Variants in TP53BP1 observed in about 807,000 individuals in gnomAD.
The protein encoded by TP53BP1 is tumor protein p53 binding protein 1, also known as TP53-binding protein 1.
TP53BP1 carries 61 observed loss-of-function variants against 200.8 expected under a neutral mutation model. That is an observed-to-expected ratio of 0.30 (90% CI 0.25 to 0.38). The LOEUF (loss-of-function observed/expected upper bound fraction) is 0.38, where lower values mean the gene tolerates loss of function less well. Ranked by LOEUF, TP53BP1 falls within the 10% of genes least tolerant of loss-of-function variation. The pLI, the probability that TP53BP1 is intolerant of heterozygous loss-of-function variation, is 1.00. For missense variants in TP53BP1, 2,144 were observed against 2,371.9 expected (o/e 0.90, Z 2.00); for synonymous variants, 822 against 844.3 (o/e 0.97, Z 0.46).
chr15:43,453,539 A>C (rs1334576622), intron 12 of TP53BP1, among the ~76,000 whole-genome samples: 1 of 130,288 alleles, frequency 7.7e-6, no homozygotes. Flanking sequence ...CTTATTCTTA[A>C]GATAAAAAAA....
intron 16 of TP53BP1, among the ~76,000 whole-genome samples, chr15:43,435,706 T>TA (rs2045779770): frequency 6.6e-6 from 1 of 151,952 alleles, no homozygotes; most frequent in African/African-American, 2.4e-5. Context: ...TTTTTTTTTT[T>TA]AATGGATAAG....
intron 21 of TP53BP1, among the ~76,000 whole-genome samples, chr15:43,419,366 A>G (rs1415397631): frequency 6.6e-6 from 1 of 151,738 alleles, no homozygotes; most frequent in African/African-American, 2.4e-5. Context: ...CCTCTGTGGC[A>G]TATTTTTTTT....
intron 24 of TP53BP1, among the ~76,000 whole-genome samples, chr15:43,412,045 T>C (rs1566914194): frequency 6.6e-6 from 1 of 152,184 alleles, no homozygotes; most frequent in African/African-American, 2.4e-5. Context: ...TTATTCCCAC[T>C]GTGCCTATCT....
chr15:43,503,228 G>C (rs1175340518), intron 1 of TP53BP1, among the ~76,000 whole-genome samples: 1 of 152,226 alleles, frequency 6.6e-6, no homozygotes, highest in Non-Finnish European at 1.5e-5. Context: ...CACCCAAAAA[G>C]TTCCCTGTGC....
chr15:43,420,627 T>A lies in TP53BP1; in HGVS notation c.4359A>T (p.Arg1453Ser). 6.2e-7 allele frequency: 1 copy of A among 1,614,162 alleles called. No individual in the cohort carries two copies. Among genetic ancestry groups the A allele is most frequent in the Non-Finnish European group, 8.5e-7 (1 of 1,180,036 alleles). Residue 1453 changes from arginine (R) to serine (S), a missense_variant, in exon 21 of 28, where the codon AGA becomes AGT. By Grantham distance (110) the Arg-to-Ser change is moderately radical (BLOSUM62 -1). Coordinates refer to ENST00000382044, the MANE Select transcript of TP53BP1 (RefSeq NM_001141980.3). ...RVVPRVPDST[R>S]RTDVGAGALR... is the part of the protein sequence containing the mutation. ...AAGCACCAGCACCCACATCTGTTCGTCTGGTGGAGTCTGGCACTCGGGGCA... is the reference window on the plus strand; with the variant it reads ...AAGCACCAGCACCCACATCTGTTCGACTGGTGGAGTCTGGCACTCGGGGCA...
intron 13 of TP53BP1, 22 bp downstream of exon 13, chr15:43,447,344 T>G (rs1386170191): frequency 1.3e-6 from 2 of 1,590,944 alleles, no homozygotes; most frequent in South Asian, 1.2e-5. Flanking sequence ...GCCTTAAATA[T>G]CATTACTTTT....
At chr15:43,460,394 G>A (rs2046402294) in intron 11 of TP53BP1, among the ~76,000 whole-genome samples, 1 of 152,078 alleles carries the variant, frequency 6.6e-6, no homozygotes, top group African/African-American at 2.4e-5. Context: ...CCGAGTAGCT[G>A]GAACTACAGG....
At chr15:43,482,794 G>A (rs2078992617) in intron 4 of TP53BP1, among the ~76,000 whole-genome samples, 1 of 152,052 alleles carries the variant, frequency 6.6e-6, no homozygotes, top group African/African-American at 2.4e-5. Flanking sequence ...AACCAGTGTG[G>A]TGTCATGTGC....
intron 6 of TP53BP1, 102 bp downstream of exon 6, chr15:43,479,757 A>T: frequency 1.4e-6 from 2 of 1,397,346 alleles, no homozygotes; most frequent in South Asian, 1.4e-5. Flanking sequence ...TACTTAGATT[A>T]TATTAATTTG....
chr15:43,457,625 T>C (rs572673611), intron 11 of TP53BP1, among the ~76,000 whole-genome samples: 11 of 126,250 alleles, frequency 8.7e-5, no homozygotes, highest in Middle Eastern at 6.0e-3. Flanking sequence ...TAAGCCGAGA[T>C]TGCACCACTG....
At chr15:43,506,279 A>T (rs1344093371) in intron 1 of TP53BP1, among the ~76,000 whole-genome samples, 1 of 152,108 alleles carries the variant, frequency 6.6e-6, no homozygotes, top group Non-Finnish European at 1.5e-5. Flanking sequence ...CAAATATGAA[A>T]TTATTTCCAG....
chr15:43,497,376 C>A, upstream of TP53BP1: 2 of 980,984 alleles, frequency 2.0e-6, no homozygotes, highest in Non-Finnish European at 2.4e-6. Flanking sequence ...TGAGACTCTG[C>A]CTCAAAAAAC....
intron 14 of TP53BP1, among the ~76,000 whole-genome samples, chr15:43,442,827 TTTTTTTTTTTTTTTTG>T (rs2045960775): frequency 7.5e-6 from 1 of 134,192 alleles, no homozygotes; most frequent in South Asian, 2.5e-4. Flanking sequence ...TTTTTTTTTT[TTTTTTTTTTTTTTTTG>T]GAGACAGAAT....
Position 43,447,566 on chromosome 15 carries a change from A to G in TP53BP1, c.2717-81T>C, listed in dbSNP as rs1204622473. 15 of 1,231,904 alleles carry G rather than the reference A, an allele frequency of 1.2e-5. No individual in the cohort carries two copies. The Admixed American group carries it at 1.5e-4, about 12-fold the overall frequency. 76.3% of individuals were successfully genotyped at this position (1,231,904 alleles called of 1,614,324 possible). On this transcript the variant is annotated intron_variant, in intron 12 of 27. Coordinates refer to ENST00000382044, the MANE Select transcript of TP53BP1 (RefSeq NM_001141980.3). ...CAGAAGTATAAAATAAGCAAAAATA[A>G]TAAGAACTGCAAGAAATATTTCAAT...
chr15:43,469,953 T>C lies in TP53BP1; in HGVS notation c.1294A>G (p.Thr432Ala). The C allele has an allele frequency of 6.2e-7, 1 of 1,614,060 alleles. No individual in the cohort carries two copies. The highest frequency in any genetic ancestry group is 1.1e-5 in the South Asian group (1 of 91,084). Reference protein sequence around the residue: ...LENPPLLPESTVSPQASTPIS... With the variant: ...LENPPLLPESAVSPQASTPIS... ...GGTGTTGAGGCTTGTGGTGATACAG[T>C]GGACTCAGGCAGGAGAGGGGGGTTT... Residue 432 changes from threonine (T) to alanine (A), a missense_variant, in exon 11 of 28, where the codon ACT becomes GCT. Around this residue, in one of 4 missense-constraint regions of TP53BP1, gnomAD observed 1,700 missense variants for 1,710.3 expected, o/e 0.99. Transcript: ENST00000382044.
intron 12 of TP53BP1, among the ~76,000 whole-genome samples, chr15:43,448,713 G>C (rs1378489793): frequency 6.6e-6 from 1 of 151,712 alleles, no homozygotes; most frequent in African/African-American, 2.4e-5. Flanking sequence ...CTAATTTTTT[G>C]TATTTTTAGT....
intron 21 of TP53BP1, among the ~76,000 whole-genome samples, chr15:43,419,380 G>A (rs2045339407): frequency 6.6e-6 from 1 of 151,782 alleles, no homozygotes; most frequent in Non-Finnish European, 1.5e-5. Context: ...TTTTTTTTAA[G>A]AGACAGGGTC....
chr15:43,456,790 G>C lies in TP53BP1; in HGVS notation c.1818C>G (p.Ala606=). Residue 606 remains alanine, a synonymous_variant, in exon 12 of 28, where the codon GCC becomes GCG. Coordinates refer to ENST00000382044, the MANE Select transcript of TP53BP1 (RefSeq NM_001141980.3). The part of the protein sequence containing the change: ...TDTRDDISIL[A]TGCKGREETV... ...TTTCTTCTCTGCCCTTGCAACCAGT[G>C]GCTAAAATACTAATGTCATCCCTGG... 1 of 1,613,938 alleles carries C rather than the reference G, an allele frequency of 6.2e-7. No homozygotes were observed. Among genetic ancestry groups the C allele is most frequent in the South Asian group, 1.1e-5 (1 of 91,084 alleles).
intron 24 of TP53BP1, 121 bp from the exon 25 acceptor site, chr15:43,409,862 A>G: frequency 4.2e-6 from 2 of 477,186 alleles, no homozygotes; most frequent in Non-Finnish European, 7.3e-6. Flanking sequence ...TGTGTCCCCA[A>G]AGACAGGCCA....
Sources: allele counts gnomAD v4.1 joint callset (sites outside exome capture counted in the v4.1 genomes callset), GRCh38; gene constraint gnomAD v4.1.1; regional missense constraint gnomAD v4.1.1; transcripts MANE v1.5; gene names NCBI Gene and HGNC (gene_info 2026-07-23, HGNC 2026-07-21).